Variants in CELSR1 observed in about 807,000 individuals in gnomAD.
The protein encoded by CELSR1 is adhesion G protein-coupled receptor C1.
CELSR1 carries 110 observed loss-of-function variants against 249.1 expected under a neutral mutation model. The observed-to-expected ratio is 0.44, with a 90% CI of 0.38 to 0.52. CELSR1 has a LOEUF of 0.52. CELSR1 is among the 20% of genes least tolerant of loss of function. CELSR1 has a pLI of 0.00. For synonymous variants in CELSR1, 2,113 were observed against 1,900.0 expected, an observed-to-expected ratio of 1.11 and a Z score of -2.92; for missense variants, 4,109 against 4,296.4, an observed-to-expected ratio of 0.96 and a Z score of 1.22.
chr22:46,459,209 T>G (rs184238124), intron 2 of CELSR1, among the ~76,000 whole-genome samples: 16 of 151,674 alleles, frequency 1.1e-4, no homozygotes, highest in African/African-American at 3.9e-4. Flanking sequence ...TAGTAATGAG[T>G]GAGTGGTCGT....
rs561098968 is a variant in CELSR1, at chr22:46,365,592, G to A, written c.8398C>T (p.Pro2800Ser). 23 of 1,589,250 alleles carry A rather than the reference G, an allele frequency of 1.4e-5. 2 individuals carry two copies. In the South Asian group the frequency reaches 2.3e-4, roughly 16 times the overall value. The change falls in exon 31 of 35, where the codon CCC becomes TCC. Residue 2800 changes from proline (P) to serine (S), a missense_variant. By Grantham distance (74) the Pro-to-Ser change is moderately conservative (BLOSUM62 -1). Transcript: ENST00000674500. ...ASLMPRSCKDPPGHDSDSDSE... is the reference protein window; with the variant it reads ...ASLMPRSCKDSPGHDSDSDSE... ...CCCTCCAGGGAAGCCATACCAGGGG[G>A]ATCCTTGCAGCTCCTGGGCATGAGG... is the stretch of plus-strand genomic sequence containing the variant.
At chr22:46,400,068 G>T in intron 9 of CELSR1, 166 bp from the exon 10 acceptor site, 1 of 679,608 alleles carries the variant, frequency 1.5e-6, no homozygotes, top group Non-Finnish European at 2.4e-6. Flanking sequence ...GGTGGCTCAG[G>T]CCTGTAATCT....
At chr22:46,486,585 G>C (rs2080315492) in intron 1 of CELSR1, among the ~76,000 whole-genome samples, 1 of 150,154 alleles carries the variant, frequency 6.7e-6, no homozygotes, top group African/African-American at 2.5e-5. Context: ...GCTCACGCCT[G>C]TAATCCCAGC....
chr22:46,376,312 G>A (rs1019228091), intron 24 of CELSR1, among the ~76,000 whole-genome samples: 1 of 152,170 alleles, frequency 6.6e-6, no homozygotes, highest in African/African-American at 2.4e-5. Context: ...ACCTGGCCGT[G>A]GTTTTTATAC....
In CELSR1 at chr22:46,430,552, C is replaced by A. The variant is rs958776707; in HGVS notation, c.4611+2841G>T. The stretch of plus-strand genomic sequence containing the variant: ...CACCCCTCATCGTCCAGCCCCAACG[C>A]CTCCTCCTCCTGGGGGTCCCCTCCC... On this transcript the variant is annotated intron_variant, in intron 5 of 34. Coordinates refer to ENST00000674500, the MANE Select transcript of CELSR1 (RefSeq NM_001378328.1). The surrounding 1 kb of genome is among the most constrained non-coding windows in gnomAD (Gnocchi z 4.6). 6.6e-6 allele frequency among the ~76,000 whole-genome samples: 1 copy of A among 152,148 alleles called. No homozygotes were observed. Among genetic ancestry groups the A allele is most frequent in the Non-Finnish European group, 1.5e-5 (1 of 68,026 alleles).
At chr22:46,439,489 T>C in intron 2 of CELSR1, 78 bp from the exon 3 acceptor site, 2 of 1,185,126 alleles carry the variant, frequency 1.7e-6, no homozygotes, top group East Asian at 2.6e-5. Context: ...TCGCAGACCC[T>C]GGACACACCC....
intron 31 of CELSR1, 60 bp from the exon 32 acceptor site, chr22:46,365,440 G>C: frequency 1.3e-6 from 2 of 1,593,290 alleles, no homozygotes; most frequent in Non-Finnish European, 1.7e-6. Context: ...GTCCCACCGA[G>C]GGCCAAGCAG....
rs141009773 is a variant in CELSR1, at chr22:46,471,559, T to C, written c.3545-7214A>G. ...AGCATGCCACCATGCCTGGCTGGGTTTTCTGTTCTTGTTTTTTGTAGAGGT... is the reference window on the plus strand; with the variant it reads ...AGCATGCCACCATGCCTGGCTGGGTCTTCTGTTCTTGTTTTTTGTAGAGGT... On this transcript the variant is annotated intron_variant, in intron 1 of 34. Transcript: ENST00000674500. The surrounding 1 kb of genome is among the most constrained non-coding windows in gnomAD (Gnocchi z 4.9). 6.0e-4 allele frequency among the ~76,000 whole-genome samples: 92 copies of C among 152,076 alleles called. No homozygotes were observed. The highest frequency in any genetic ancestry group is 6.0e-3 in the East Asian group (31 of 5,160).
chr22:46,534,337 G>C lies in CELSR1; in HGVS notation c.2834C>G (p.Pro945Arg). ...DDGDGDFYIE[P>R]TSGVIRTQRR... ...CTGGGTGCGAATCACACCGGACGTG[G>C]GCTCGATGTAGAAGTCCCCATCGCC... The change falls in exon 1 of 35, where the codon CCC (proline) becomes CGC (arginine). Residue 945 changes from proline to arginine, a missense_variant. Physicochemically the swap from Pro to Arg is moderately radical, Grantham distance 103 (BLOSUM62 -2). Coordinates refer to ENST00000674500, the MANE Select transcript of CELSR1 (RefSeq NM_001378328.1). The surrounding 1 kb of genome is among the most constrained non-coding windows in gnomAD (Gnocchi z 9.7). 3 of 1,613,032 alleles carry C rather than the reference G, an allele frequency of 1.9e-6. No individual in the cohort carries two copies. Among genetic ancestry groups the C allele is most frequent in the Non-Finnish European group, 2.5e-6 (3 of 1,180,040 alleles).
At chr22:46,377,457 G>GCCCTGGGCAT in intron 23 of CELSR1, 196 bp from the exon 24 acceptor site, 1 of 625,458 alleles carries the variant, frequency 1.6e-6, no homozygotes, top group South Asian at 1.9e-5. Flanking sequence ...AATGCCCTGG[G>GCCCTGGGCAT]CCCTGGGCAT....
chr22:46,532,283 T>C (rs567239302), intron 1 of CELSR1, among the ~76,000 whole-genome samples: 35 of 152,380 alleles, frequency 2.3e-4, no homozygotes, highest in Non-Finnish European at 4.1e-4. Flanking sequence ...TTCCTAAGAA[T>C]ATCCATAACC....
intron 1 of CELSR1, among the ~76,000 whole-genome samples, chr22:46,489,516 C>T (rs1364940589): frequency 6.6e-6 from 1 of 152,112 alleles, no homozygotes; most frequent in East Asian, 2.0e-4. Context: ...CCCTGGTGGC[C>T]CCAGACTGCC....
Position 46,381,993 on chromosome 22 carries a change from C to T in CELSR1, c.6941G>A (p.Gly2314Glu). 16 of 1,564,966 alleles carry T rather than the reference C, an allele frequency of 1.0e-5. No homozygotes were observed. Among genetic ancestry groups the T allele is most frequent in the Non-Finnish European group, 1.4e-5 (16 of 1,157,132 alleles). ...CGGGGCCTCCCTCTCGGTGCCAGGCCCCGGGCGCGTGGTCTGCGGGGTGGT... is the reference window on the plus strand; with the variant it reads ...CGGGGCCTCCCTCTCGGTGCCAGGCTCCGGGCGCGTGGTCTGCGGGGTGGT... ...RRTTPQTTRP[G>E]PGTEREAPIS... Residue 2314 changes from glycine to glutamate, a missense_variant, in exon 21 of 35, where the codon GGG becomes GAG. This residue lies in a region of CELSR1 where 1,805 missense variants were observed against 1,831.6 expected (regional missense o/e 0.99). Transcript: ENST00000674500. The surrounding 1 kb of genome is among the most constrained non-coding windows in gnomAD (Gnocchi z 6.0).
At chr22:46,531,192 T>TA (rs1471893931) in intron 1 of CELSR1, among the ~76,000 whole-genome samples, 1 of 67,792 alleles carries the variant, frequency 1.5e-5, no homozygotes, top group Non-Finnish European at 2.6e-5. Flanking sequence ...TCCTTTTATT[T>TA]ATTTATTTAT....
rs943341891 is a variant in CELSR1, at chr22:46,374,677, C to T, written c.7585-1620G>A. Among the ~76,000 whole-genome samples the T allele has an allele frequency of 6.6e-6, 1 of 152,140 alleles. No individual in the cohort carries two copies. The highest frequency in any genetic ancestry group is 1.5e-5 in the Non-Finnish European group (1 of 68,024). ...TGGGGTGTTGAGTTGCAGGGAGTGG[C>T]CTGCACCGACTCCCCTCTCCCCCAT... On this transcript the variant is annotated intron_variant, in intron 24 of 34. Transcript: ENST00000674500. The surrounding 1 kb of genome is among the most constrained non-coding windows in gnomAD (Gnocchi z 4.3).
At chr22:46,369,899 T>C (rs2078832282) in intron 25 of CELSR1, 95 bp from the exon 26 acceptor site, 1 of 1,006,980 alleles carries the variant, frequency 9.9e-7, no homozygotes, top group South Asian at 1.3e-5. Flanking sequence ...AATGGGGGAC[T>C]CAGCATCTCC....
chr22:46,409,698 G>A lies in CELSR1; in HGVS notation c.5059+57C>T. On this transcript the variant is annotated intron_variant, in intron 8 of 34. Coordinates refer to ENST00000674500, the MANE Select transcript of CELSR1 (RefSeq NM_001378328.1). This position sits in a 1 kb window ranked among gnomAD's most constrained non-coding sequence, Gnocchi z 9.8. ...CTCACGGTGGTCCCGGGCACATCAAGGAGCAATGCCTCCCAGGCCGCCGTG... is the reference window on the plus strand; with the variant it reads ...CTCACGGTGGTCCCGGGCACATCAAAGAGCAATGCCTCCCAGGCCGCCGTG... The A allele has an allele frequency of 1.9e-6, 3 of 1,602,066 alleles. No homozygotes were observed. Among genetic ancestry groups the A allele is most frequent in the Non-Finnish European group, 2.5e-6 (3 of 1,177,702 alleles).
intron 2 of CELSR1, among the ~76,000 whole-genome samples, chr22:46,444,734 G>A (rs1275472879): frequency 6.6e-6 from 1 of 152,162 alleles, no homozygotes; most frequent in African/African-American, 2.4e-5. Flanking sequence ...AGTCGCACAG[G>A]CCAGGAGTCC....
Position 46,381,102 on chromosome 22 carries a change from C to G in CELSR1, c.7089-147G>C. The stretch of plus-strand genomic sequence containing the variant: ...CGAGAGCTCGGACCCACGGACCCCA[C>G]AGTATCTTCATCCCTAGAGCAGGTT... On this transcript the variant is annotated intron_variant, in intron 21 of 34. Transcript: ENST00000674500. The surrounding 1 kb of genome is among the most constrained non-coding windows in gnomAD (Gnocchi z 6.0). The G allele has an allele frequency of 2.6e-6, 2 of 783,626 alleles. No individual in the cohort carries two copies. The highest frequency in any genetic ancestry group is 3.6e-5 in the South Asian group (2 of 56,044). The allele number at this position is 783,626 out of a possible 1,614,324, so 48.5% of individuals were successfully genotyped here.
Sources: gnomAD v4.1 joint callset for allele counts (sites outside exome capture counted in the v4.1 genomes callset) on GRCh38, gnomAD v4.1.1 for gene constraint, gnomAD v4.1.1 regional missense constraint, Gnocchi (gnomAD v3.1) non-coding constraint, MANE v1.5 for transcripts, NCBI Gene and HGNC (gene_info 2026-07-23, HGNC 2026-07-21) for gene names.